SLC25A13: variants seen among roughly 807,000 people sequenced by gnomAD.
SLC25A13 encodes electrogenic aspartate/glutamate antiporter SLC25A13, mitochondrial.
A neutral mutation model predicts 85.5 loss-of-function variants in SLC25A13; 70 were observed. The ratio of observed to expected loss-of-function variants is 0.82; its 90% CI spans 0.68 to 1.00. SLC25A13 has a LOEUF of 1.00. SLC25A13 is among the 50% of genes least tolerant of loss of function. SLC25A13 has a pLI of 0.00. For missense variants in SLC25A13, 765 were observed against 819.8 expected (o/e 0.93, Z 0.82); for synonymous variants, 259 against 288.7 (o/e 0.90, Z 1.04).
intron 5 of SLC25A13, among the ~76,000 whole-genome samples, chr7:96,201,511 C>CCAA (rs1795255820): frequency 8.0e-6 from 1 of 124,640 alleles, no homozygotes; most frequent in Non-Finnish European, 1.6e-5. Context: ...GACTCTGTCT[C>CCAA]AAAAAAAAAA....
chr7:96,144,887 G>A (rs1473083595), intron 14 of SLC25A13, among the ~76,000 whole-genome samples: 2 of 152,140 alleles, frequency 1.3e-5, no homozygotes, highest in African/African-American at 4.8e-5. Flanking sequence ...AACAGTCACT[G>A]CCACAGTACC....
chr7:96,135,889 TC>T, intron 14 of SLC25A13, among the ~76,000 whole-genome samples: 1 of 151,822 alleles, frequency 6.6e-6, no homozygotes, highest in Non-Finnish European at 1.5e-5. Context: ...AAACTGGTTT[TC>T]TAGGCAGCTC....
chr7:96,298,464 A>G (rs1054825009), intron 1 of SLC25A13, among the ~76,000 whole-genome samples: 3 of 150,746 alleles, frequency 2.0e-5, no homozygotes, highest in Admixed American at 6.6e-5. Flanking sequence ...ATGGAGTTTC[A>G]CTCTTGTTGC....
rs143612305 is a variant in SLC25A13, at chr7:96,314,187, A to G, written c.15+7755T>C. Among the ~76,000 whole-genome samples the G allele has an allele frequency of 4.9e-4, 75 of 152,172 alleles. 1 individual carries two copies. Among genetic ancestry groups the G allele is most frequent in the African/African-American group, 1.7e-3 (71 of 41,524 alleles). ...AGGAAGAAGAAGAAGAAGCCTGCAA[A>G]GGAGAATAAAGGGGTAATATGAGAT... On this transcript the variant is annotated intron_variant, in intron 1 of 17. Coordinates refer to ENST00000265631, the MANE Select transcript of SLC25A13 (RefSeq NM_014251.3).
chr7:96,216,672 C>G (rs1184710155), intron 4 of SLC25A13, among the ~76,000 whole-genome samples: 2 of 152,086 alleles, frequency 1.3e-5, no homozygotes, highest in Non-Finnish European at 2.9e-5. Context: ...ACTGTACGCT[C>G]TGACTTTAAG....
At chr7:96,220,142 C>T (rs775216480) in intron 4 of SLC25A13, among the ~76,000 whole-genome samples, 1 of 152,182 alleles carries the variant, frequency 6.6e-6, no homozygotes, top group Non-Finnish European at 1.5e-5. Flanking sequence ...CTAGAGAATA[C>T]AACTAATGTT....
Position 96,121,145 on chromosome 7 carries a change from A to C in SLC25A13, c.*46T>G. 1 of 1,591,314 alleles carries C rather than the reference A, an allele frequency of 6.3e-7. No homozygotes were observed. Among genetic ancestry groups the C allele is most frequent in the Non-Finnish European group, 8.6e-7 (1 of 1,159,228 alleles). Reference sequence around the variant, plus strand: ...TTCATTCCCAGGAGGGATGTTCTTTACTGCAGTACCCACAAAAAGACAGCA... The same window carrying C: ...TTCATTCCCAGGAGGGATGTTCTTTCCTGCAGTACCCACAAAAAGACAGCA... On this transcript the variant is annotated 3_prime_UTR_variant, in exon 18 of 18. Coordinates refer to ENST00000265631, the MANE Select transcript of SLC25A13 (RefSeq NM_014251.3).
At chr7:96,314,169 A>G (rs1800048921) in intron 1 of SLC25A13, among the ~76,000 whole-genome samples, 1 of 152,108 alleles carries the variant, frequency 6.6e-6, no homozygotes, top group Non-Finnish European at 1.5e-5. Flanking sequence ...AGAAGGAAGA[A>G]GAAGAAGAAG....
chr7:96,276,170 T>C (rs766202595), intron 3 of SLC25A13, among the ~76,000 whole-genome samples: 66 of 152,230 alleles, frequency 4.3e-4, no homozygotes, highest in Non-Finnish European at 8.7e-4. Context: ...GGCAAGGTCC[T>C]TTACAGTTTA....
chr7:96,279,828 T>G (rs1798605001), intron 2 of SLC25A13, among the ~76,000 whole-genome samples: 1 of 152,200 alleles, frequency 6.6e-6, no homozygotes, highest in Non-Finnish European at 1.5e-5. Context: ...ATCCCCCAAC[T>G]TTAATTTTTC....
intron 3 of SLC25A13, among the ~76,000 whole-genome samples, chr7:96,259,424 A>C (rs1420472830): frequency 6.6e-6 from 1 of 152,218 alleles, no homozygotes; most frequent in Non-Finnish European, 1.5e-5. Flanking sequence ...TCTGAAAAAA[A>C]GACATTTATC....
chr7:96,226,557 G>T (rs528917738), intron 4 of SLC25A13, among the ~76,000 whole-genome samples: 1 of 151,588 alleles, frequency 6.6e-6, no homozygotes, highest in African/African-American at 2.4e-5. Context: ...ATTTTTGTCA[G>T]AATCTCCATA....
At chr7:96,207,097 G>A (rs1459907063) in intron 5 of SLC25A13, among the ~76,000 whole-genome samples, 2 of 152,160 alleles carry the variant, frequency 1.3e-5, no homozygotes, top group Non-Finnish European at 2.9e-5. Context: ...CTCCATCTGA[G>A]TTACGTAAGT....
At chr7:96,153,912 G>T (rs562273619) in intron 13 of SLC25A13, among the ~76,000 whole-genome samples, 6 of 152,126 alleles carry the variant, frequency 3.9e-5, no homozygotes, top group Non-Finnish European at 7.4e-5. Flanking sequence ...GGATCAAAAT[G>T]AAGAAAAAAT....
At chr7:96,143,452 T>C (rs1173802230) in intron 14 of SLC25A13, among the ~76,000 whole-genome samples, 1 of 152,190 alleles carries the variant, frequency 6.6e-6, no homozygotes, top group East Asian at 1.9e-4. Flanking sequence ...CATTGCAGAT[T>C]TGTTTTCTTA....
At chr7:96,255,189 C>A (rs186007942) in intron 3 of SLC25A13, among the ~76,000 whole-genome samples, 1 of 152,142 alleles carries the variant, frequency 6.6e-6, no homozygotes, top group African/African-American at 2.4e-5. Flanking sequence ...TAATTGTTGG[C>A]AGCAATAAAG....
chr7:96,269,065 T>C (rs1171748885), intron 3 of SLC25A13, among the ~76,000 whole-genome samples: 1 of 152,250 alleles, frequency 6.6e-6, no homozygotes, highest in East Asian at 1.9e-4. Context: ...GATGAATACC[T>C]GTCTGCTCCA....
chr7:96,132,377 A>G (rs1366263188), intron 14 of SLC25A13, among the ~76,000 whole-genome samples: 1 of 152,212 alleles, frequency 6.6e-6, no homozygotes, highest in Non-Finnish European at 1.5e-5. Flanking sequence ...CATACATAAA[A>G]AATTATATCT....
chr7:96,230,427 T>C (rs749831560), intron 4 of SLC25A13, among the ~76,000 whole-genome samples: 4 of 152,218 alleles, frequency 2.6e-5, no homozygotes, highest in Admixed American at 1.3e-4. Context: ...AGATGTACAC[T>C]TAACACCATT....
Sources: gnomAD v4.1 joint callset for allele counts (sites outside exome capture counted in the v4.1 genomes callset) on GRCh38, gnomAD v4.1.1 for gene constraint, MANE v1.5 for transcripts, NCBI Gene and HGNC (gene_info 2026-07-23, HGNC 2026-07-21) for gene names.